DOCK2: variants seen among roughly 807,000 people sequenced by gnomAD.
DOCK2 encodes dedicator of cytokinesis 2.
A neutral mutation model predicts 248.9 loss-of-function variants in DOCK2; 87 were observed. The ratio of observed to expected loss-of-function variants is 0.35; its 90% CI spans 0.29 to 0.42. The LOEUF is 0.42. Among genes scored for constraint, DOCK2 ranks in the 10% least tolerant of loss-of-function variants. DOCK2 has a pLI of 1.00. For missense variants in DOCK2, 1,747 were observed against 2,300.2 expected, an observed-to-expected ratio of 0.76 and a Z score of 4.92; for synonymous variants, 805 against 821.6, an observed-to-expected ratio of 0.98 and a Z score of 0.35.
chr5:169,991,491 C>T (rs1166532189), intron 29 of DOCK2, among the ~76,000 whole-genome samples: 2 of 152,244 alleles, frequency 1.3e-5, no homozygotes, highest in Non-Finnish European at 2.9e-5. Flanking sequence ...TGCGTTCTCC[C>T]TCCTTGTGGG....
chr5:169,804,386 A>G (rs1190168313), intron 26 of DOCK2, among the ~76,000 whole-genome samples: 1 of 151,544 alleles, frequency 6.6e-6, no homozygotes, highest in African/African-American at 2.4e-5. Flanking sequence ...ACCTATCCCC[A>G]ATATATAACG....
chr5:169,868,975 C>A (rs1200984033), intron 27 of DOCK2, among the ~76,000 whole-genome samples: 2 of 152,126 alleles, frequency 1.3e-5, no homozygotes, highest in Non-Finnish European at 2.9e-5. Flanking sequence ...TGACCCTGGG[C>A]AAGTTTCTTC....
chr5:169,693,549 G>A (rs935619169), intron 9 of DOCK2, among the ~76,000 whole-genome samples: 5 of 152,206 alleles, frequency 3.3e-5, no homozygotes, highest in African/African-American at 4.8e-5. Context: ...TGGTTTGGAG[G>A]AAGGAGTCAG....
intron 27 of DOCK2, among the ~76,000 whole-genome samples, chr5:169,950,614 T>G (rs1019878022): frequency 6.6e-6 from 1 of 152,226 alleles, no homozygotes; most frequent in African/African-American, 2.4e-5. Flanking sequence ...GCTACAGATT[T>G]TCTATGTGAC....
chr5:169,980,241 C>A (rs1214937453), intron 27 of DOCK2: 2 of 152,040 alleles, frequency 1.3e-5, no homozygotes, highest in African/African-American at 4.8e-5. Context: ...AGAGGATCAT[C>A]GATCATAAAA....
intron 8 of DOCK2, among the ~76,000 whole-genome samples, chr5:169,687,952 G>A (rs1393422456): frequency 2.0e-5 from 3 of 152,086 alleles, no homozygotes; most frequent in Non-Finnish European, 4.4e-5. Context: ...TTGAGATGGA[G>A]TCTCCCTTTT....
intron 27 of DOCK2, among the ~76,000 whole-genome samples, chr5:169,870,558 G>T (rs1164012058): frequency 6.6e-6 from 1 of 151,876 alleles, no homozygotes; most frequent in Non-Finnish European, 1.5e-5. Context: ...AAGTATTTTA[G>T]ATCTGTGGGT....
chr5:169,698,529 A>G, intron 11 of DOCK2, 80 bp downstream of exon 11: 3 of 1,465,272 alleles, frequency 2.0e-6, no homozygotes, highest in Non-Finnish European at 2.9e-6. Context: ...AGAGGGTACC[A>G]GTTCCCTGAG....
At chr5:169,913,365 G>A (rs1774710385) in intron 27 of DOCK2, among the ~76,000 whole-genome samples, 1 of 152,042 alleles carries the variant, frequency 6.6e-6, no homozygotes, top group Admixed American at 6.6e-5. Context: ...CTATATAGAA[G>A]CTCCCTAGAA....
chr5:169,702,442 G>A lies in DOCK2; in HGVS notation c.1383+15G>A, dbSNP rs1471521552. 1 of 1,613,254 alleles carries A rather than the reference G, an allele frequency of 6.2e-7. No homozygotes were observed. The highest frequency in any genetic ancestry group is 8.5e-7 in the Non-Finnish European group (1 of 1,179,510). ...AAACGCTGCCTGTAAGGGACTCACT[G>A]CTGCTCTGGGTGACAGGGTCCGCCT... On this transcript the variant is annotated intron_variant, in intron 14 of 51. Transcript: ENST00000520908.
chr5:169,714,966 C>T (rs937829175), intron 19 of DOCK2, among the ~76,000 whole-genome samples: 19 of 151,878 alleles, frequency 1.3e-4, no homozygotes, highest in Non-Finnish European at 2.8e-4. Context: ...TATATGTGTG[C>T]ATATGTATAT....
intron 27 of DOCK2, among the ~76,000 whole-genome samples, chr5:169,945,891 T>A (rs1168455546): frequency 6.6e-6 from 1 of 152,330 alleles, no homozygotes; most frequent in East Asian, 1.9e-4. Flanking sequence ...TCCCAGAATA[T>A]TGATGTGGCT....
At chr5:170,035,819 G>C (rs1205323380) in intron 35 of DOCK2, among the ~76,000 whole-genome samples, 1 of 152,178 alleles carries the variant, frequency 6.6e-6, no homozygotes, top group Non-Finnish European at 1.5e-5. Flanking sequence ...GCACGTGGGT[G>C]TGCTGCATTA....
intron 44 of DOCK2, among the ~76,000 whole-genome samples, chr5:170,066,952 G>T (rs962196984): frequency 3.9e-4 from 60 of 152,272 alleles, no homozygotes; most frequent in African/African-American, 1.4e-3. Flanking sequence ...TCATGCTCTT[G>T]CAAACTGCAC....
chr5:169,895,575 G>T (rs530486130), intron 27 of DOCK2, among the ~76,000 whole-genome samples: 1 of 151,750 alleles, frequency 6.6e-6, no homozygotes, highest in East Asian at 1.9e-4. Flanking sequence ...AGCTCCTTCG[G>T]TGCCCCATGC....
chr5:169,716,209 C>T lies in DOCK2; in HGVS notation c.1942-4C>T, dbSNP rs377236254. The T allele has an allele frequency of 1.2e-6, 2 of 1,613,220 alleles. No homozygotes were observed. The highest frequency in any genetic ancestry group is 1.7e-6 in the Non-Finnish European group (2 of 1,179,470). On this transcript the variant is annotated splice_polypyrimidine_tract_variant and splice_region_variant and intron_variant, in intron 19 of 51. Transcript: ENST00000520908. ...AGTAGTGCAACCTTTGTTATTTCTT[C>T]CAGTTTCTCCAGGATACTCTGGATG...
At chr5:169,820,447 A>G (rs1466107535) in intron 26 of DOCK2, among the ~76,000 whole-genome samples, 3 of 152,224 alleles carry the variant, frequency 2.0e-5, no homozygotes, top group Non-Finnish European at 2.9e-5. Context: ...TCAGGCAGCA[A>G]CATTTGCTGT....
chr5:169,787,054 A>C (rs1426298938), intron 25 of DOCK2, among the ~76,000 whole-genome samples: 1 of 152,168 alleles, frequency 6.6e-6, no homozygotes, highest in Non-Finnish European at 1.5e-5. Context: ...TCACCAAGAG[A>C]GGTGCTGTTA....
At chr5:169,963,732 G>A (rs1480312047) in intron 27 of DOCK2, among the ~76,000 whole-genome samples, 3 of 152,082 alleles carry the variant, frequency 2.0e-5, no homozygotes, top group Admixed American at 2.0e-4. Flanking sequence ...CCTACCAGCA[G>A]CATTTTTCCC....
Sources: allele counts gnomAD v4.1 joint callset (sites outside exome capture counted in the v4.1 genomes callset), GRCh38; gene constraint gnomAD v4.1.1; transcripts MANE v1.5; gene names NCBI Gene and HGNC (gene_info 2026-07-23, HGNC 2026-07-21).